The following RPH3A variants were observed in gnomAD, a reference collection of about 807,000 sequenced individuals.
The protein encoded by RPH3A is rabphilin 3A.
RPH3A carries 48 observed loss-of-function variants against 102.2 expected under a neutral mutation model. The observed-to-expected ratio is 0.47, with a 90% CI of 0.37 to 0.60. The LOEUF (loss-of-function observed/expected upper bound fraction) is 0.60. Ranked by LOEUF, RPH3A falls within the 20% of genes least tolerant of loss-of-function variation. RPH3A has a pLI of 0.00. For synonymous variants in RPH3A, 310 were observed against 324.3 expected, an observed-to-expected ratio of 0.96 and a Z score of 0.47; for missense variants, 781 against 910.1, an observed-to-expected ratio of 0.86 and a Z score of 1.83.
At chr12:112,832,560 A>G (rs534366293) in intron 3 of RPH3A, among the ~76,000 whole-genome samples, 1 of 152,320 alleles carries the variant, frequency 6.6e-6, no homozygotes, top group South Asian at 2.1e-4. Context: ...GATATATATT[A>G]GCCAGGAACT....
intron 1 of RPH3A, among the ~76,000 whole-genome samples, chr12:112,682,355 C>CTTT (rs35365778): frequency 6.9e-5 from 8 of 116,510 alleles, no homozygotes; most frequent in Non-Finnish European, 9.2e-5. Flanking sequence ...TTCTTTCTTT[C>CTTT]TTTTTTTTTT....
intron 3 of RPH3A, among the ~76,000 whole-genome samples, chr12:112,830,554 A>G (rs1465349957): frequency 6.6e-6 from 1 of 152,074 alleles, no homozygotes; most frequent in Non-Finnish European, 1.5e-5. Flanking sequence ...TGTGTTTATA[A>G]CTTTTTTTAC....
chr12:112,766,409 C>T (rs7304968), intron 1 of RPH3A, among the ~76,000 whole-genome samples: 6,777 of 152,262 alleles, frequency 0.045, 514 homozygotes, highest in African/African-American at 0.15. Context: ...CAGCTCACCT[C>T]AACCCCTGGT....
chr12:112,588,429 C>G (rs1182238488), intron 1 of RPH3A, among the ~76,000 whole-genome samples: 1 of 152,094 alleles, frequency 6.6e-6, no homozygotes, highest in African/African-American at 2.4e-5. Flanking sequence ...ATATATGAAA[C>G]CATCAGATCT....
intron 2 of RPH3A, among the ~76,000 whole-genome samples, chr12:112,826,441 CG>C (rs2041874817): frequency 6.6e-6 from 1 of 152,072 alleles, no homozygotes; most frequent in Non-Finnish European, 1.5e-5. Flanking sequence ...CTTGCTTTTT[CG>C]GGATGAAGGG....
intron 1 of RPH3A, among the ~76,000 whole-genome samples, chr12:112,647,774 T>C (rs1055254469): frequency 6.6e-6 from 1 of 152,200 alleles, no homozygotes; most frequent in Non-Finnish European, 1.5e-5. Flanking sequence ...GCAAAGGCCC[T>C]GAGGCAGTGA....
intron 1 of RPH3A, among the ~76,000 whole-genome samples, chr12:112,763,447 A>T (rs146772322): frequency 1.0e-3 from 154 of 152,356 alleles, no homozygotes; most frequent in African/African-American, 3.3e-3. Context: ...TGAGATGTAC[A>T]TTGGTTAGGT....
intron 4 of RPH3A, among the ~76,000 whole-genome samples, chr12:112,841,173 TAAA>T (rs11447068): frequency 2.7e-4 from 9 of 33,372 alleles, no homozygotes; most frequent in East Asian, 1.1e-3. Context: ...CCTTGTTTCT[TAAA>T]AAAAAAAAAA....
chr12:112,803,659 T>C (rs2041399902), intron 2 of RPH3A, among the ~76,000 whole-genome samples: 1 of 152,066 alleles, frequency 6.6e-6, no homozygotes, highest in Non-Finnish European at 1.5e-5. Flanking sequence ...TAATTAATCA[T>C]AAAAATAAAT....
intron 5 of RPH3A, among the ~76,000 whole-genome samples, chr12:112,859,067 A>T (rs1233950571): frequency 6.6e-6 from 1 of 152,242 alleles, no homozygotes; most frequent in Non-Finnish European, 1.5e-5. Context: ...TGTGAGAGAA[A>T]GGGATGGAGA....
At chr12:112,866,660 T>C (rs2042615806) in intron 6 of RPH3A, 97 bp from the exon 7 acceptor site, 1 of 957,602 alleles carries the variant, frequency 1.0e-6, no homozygotes, top group African/African-American at 1.6e-5. Flanking sequence ...AGCAAGTTCT[T>C]CCTCTTTACA....
rs1366646653 is a variant in RPH3A at position 112,620,994 on chromosome 12, A to AT, written c.-140+45681dup. Among the ~76,000 whole-genome samples, 7 of 149,088 alleles carry AT rather than the reference A, an allele frequency of 4.7e-5. No homozygotes were observed. In the East Asian group the frequency reaches 1.4e-3, roughly 29 times the overall value. The stretch of plus-strand genomic sequence containing the variant: ...TGTTTTAGTTCCCACATATCTTCCT[A>AT]TTTTTTAACATTATTATTTTTTTTT... On this transcript the variant is annotated intron_variant, in intron 1 of 21. Transcript: ENST00000543106.
At chr12:112,710,969 A>G (rs960709947) in intron 1 of RPH3A, among the ~76,000 whole-genome samples, 1 of 152,196 alleles carries the variant, frequency 6.6e-6, no homozygotes, top group Admixed American at 6.5e-5. Flanking sequence ...TAGGCACTTC[A>G]GAGATGCAAT....
At chr12:112,694,819 G>A (rs2040338333) in intron 1 of RPH3A, among the ~76,000 whole-genome samples, 1 of 152,154 alleles carries the variant, frequency 6.6e-6, no homozygotes, top group South Asian at 2.1e-4. Flanking sequence ...TAAAACAGGA[G>A]ATAATGCCAA....
chr12:112,851,149 G>A (rs1440137034), intron 5 of RPH3A, among the ~76,000 whole-genome samples: 1 of 152,074 alleles, frequency 6.6e-6, no homozygotes, highest in Non-Finnish European at 1.5e-5. Flanking sequence ...CACTTACTAG[G>A]TATGTGCTTA....
chr12:112,878,523 A>G (rs2042848105), intron 13 of RPH3A, among the ~76,000 whole-genome samples: 1 of 152,172 alleles, frequency 6.6e-6, no homozygotes, highest in Non-Finnish European at 1.5e-5. Context: ...TGGAGCTAAC[A>G]CTCCAGTGAA....
intron 2 of RPH3A, 94 bp downstream of exon 2, chr12:112,792,357 T>C (rs1000702983): frequency 6.6e-6 from 1 of 151,464 alleles, no homozygotes; most frequent in African/African-American, 2.4e-5. Context: ...TAAAGGGTAG[T>C]TGGGAGGAGA....
At chr12:112,863,463 G>A (rs530382313) in intron 5 of RPH3A, among the ~76,000 whole-genome samples, 1 of 152,266 alleles carries the variant, frequency 6.6e-6, no homozygotes, top group South Asian at 2.1e-4. Flanking sequence ...GACTACAGAT[G>A]CACACCACCA....
chr12:112,869,545 G>T (rs1322917062), intron 8 of RPH3A: 8 of 573,608 alleles, frequency 1.4e-5, no homozygotes, highest in Middle Eastern at 4.5e-4. Flanking sequence ...TCTTTATAAA[G>T]CCTGTGTATG....
Sources: gnomAD v4.1 joint callset for allele counts (sites outside exome capture counted in the v4.1 genomes callset) on GRCh38, gnomAD v4.1.1 for gene constraint, MANE v1.5 for transcripts, NCBI Gene and HGNC (gene_info 2026-07-23, HGNC 2026-07-21) for gene names.